EZH2: variants seen among roughly 807,000 people sequenced by gnomAD.
The protein encoded by EZH2 is histone-lysine N-methyltransferase EZH2.
In EZH2, 18 loss-of-function variants were observed where a neutral mutation model predicts 98.4. The observed-to-expected ratio is 0.18, with a 90% confidence interval of 0.13 to 0.27. The LOEUF is 0.27. EZH2 is among the 10% of genes least tolerant of loss of function. EZH2 has a pLI of 1.00. For synonymous variants in EZH2, 338 were observed against 312.3 expected (o/e 1.08, Z -0.87); for missense variants, 470 against 935.1 (o/e 0.50, Z 6.49).
intron 1 of EZH2, among the ~76,000 whole-genome samples, chr7:148,874,333 A>C (rs1480667800): frequency 6.6e-6 from 1 of 152,202 alleles, no homozygotes; most frequent in Non-Finnish European, 1.5e-5. Context: ...GGTTGCAGTA[A>C]GCCAAGATTG....
intron 1 of EZH2, among the ~76,000 whole-genome samples, chr7:148,861,868 C>G (rs1817723002): frequency 6.7e-6 from 1 of 150,322 alleles, no homozygotes; most frequent in South Asian, 2.1e-4. Flanking sequence ...TCTTTAATAT[C>G]TGTCTAATAG....
Position 148,815,058 on chromosome 7 carries a change from A to G in EZH2, c.1547-19T>C. On this transcript the variant is annotated intron_variant, in intron 13 of 19. Transcript: ENST00000320356. ...GAGCCGTCTGAGTAAAGATAACATC[A>G]TGCAGGCCAATGAATCCAGGGAGAT... 1 of 1,610,596 alleles carries G rather than the reference A, an allele frequency of 6.2e-7. No homozygotes were observed. Among genetic ancestry groups the G allele is most frequent in the South Asian group, 1.1e-5 (1 of 90,650 alleles).
At chr7:148,820,195 C>G (rs1443211981) in intron 8 of EZH2, among the ~76,000 whole-genome samples, 3 of 152,108 alleles carry the variant, frequency 2.0e-5, no homozygotes, top group African/African-American at 7.2e-5. Context: ...ATACCCAATC[C>G]AAGAACCTGG....
At chr7:148,864,211 T>C (rs559801532) in intron 1 of EZH2, among the ~76,000 whole-genome samples, 146 of 152,342 alleles carry the variant, frequency 9.6e-4, no homozygotes, top group African/African-American at 3.3e-3. Context: ...CAGTAAACTA[T>C]TGATTTCAAA....
intron 3 of EZH2, among the ~76,000 whole-genome samples, chr7:148,834,143 T>C (rs1810197436): frequency 6.6e-6 from 1 of 152,154 alleles, no homozygotes; most frequent in African/African-American, 2.4e-5. Flanking sequence ...CTCTGAAATA[T>C]GGTATAACTC....
chr7:148,845,497 C>T (rs774484778), intron 3 of EZH2, among the ~76,000 whole-genome samples: 5 of 152,150 alleles, frequency 3.3e-5, no homozygotes, highest in Non-Finnish European at 5.9e-5. Context: ...ACCAGAATAT[C>T]ACTAAAATCT....
At chr7:148,815,121 C>T (rs1659666578) in intron 13 of EZH2, 82 bp from the exon 14 acceptor site, 6 of 1,508,968 alleles carry the variant, frequency 4.0e-6, no homozygotes, top group Non-Finnish European at 4.5e-6. Flanking sequence ...GTACATTCTT[C>T]CCTACTACCT....
intron 8 of EZH2, among the ~76,000 whole-genome samples, chr7:148,824,475 A>G (rs1584988206): frequency 6.6e-6 from 1 of 152,238 alleles, no homozygotes; most frequent in Non-Finnish European, 1.5e-5. Flanking sequence ...ACATACAAAT[A>G]CTTGCCAATG....
At chr7:148,854,819 CA>C (rs949553910) in intron 1 of EZH2, among the ~76,000 whole-genome samples, 9 of 152,130 alleles carry the variant, frequency 5.9e-5, no homozygotes, top group Non-Finnish European at 1.0e-4. Flanking sequence ...TTGGCAATTT[CA>C]TTTATTTTTA....
At chr7:148,818,642 AT>A (rs1363058941) in intron 9 of EZH2, among the ~76,000 whole-genome samples, 1 of 152,176 alleles carries the variant, frequency 6.6e-6, no homozygotes, top group African/African-American at 2.4e-5. Context: ...CTGTCTTACT[AT>A]TAAAACATCC....
rs888876162 is a variant in EZH2, at chr7:148,817,400, C to A, written c.1241-9G>T. 133 of 1,610,756 alleles carry A rather than the reference C, an allele frequency of 8.3e-5. No homozygotes were observed. The highest frequency in any genetic ancestry group is 1.1e-4 in the Non-Finnish European group (133 of 1,178,982). On this transcript the variant is annotated splice_polypyrimidine_tract_variant and intron_variant, in intron 10 of 19. Transcript: ENST00000320356. ...ACACCGAGAATTTGCTTCTACAAAA[C>A]CAAATGTAAGCACTGGTCAAGAAAT... is the stretch of plus-strand genomic sequence containing the variant.
At chr7:148,817,485 T>G (rs1272546568) in intron 10 of EZH2, 94 bp from the exon 11 acceptor site, 1 of 1,268,036 alleles carries the variant, frequency 7.9e-7, no homozygotes, top group East Asian at 2.5e-5. Flanking sequence ...AGCGAAAAGA[T>G]GAGGACAACT....
intron 1 of EZH2, among the ~76,000 whole-genome samples, chr7:148,849,660 T>A (rs1000208299): frequency 6.6e-6 from 1 of 152,136 alleles, no homozygotes; most frequent in Non-Finnish European, 1.5e-5. Context: ...AAAATGGTGT[T>A]AGGAAGGCAG....
chr7:148,826,594 A>C lies in EZH2; in HGVS notation c.767T>G (p.Leu256Arg). 1 of 1,565,988 alleles carries C rather than the reference A, an allele frequency of 6.4e-7. No individual in the cohort carries two copies. Among genetic ancestry groups the C allele is most frequent in the Non-Finnish European group, 8.7e-7 (1 of 1,152,648 alleles). The change falls in exon 8 of 20, where the codon CTT becomes CGT. Residue 256 changes from leucine to arginine, a missense_variant. Around this residue, in one of 6 missense-constraint regions of EZH2, gnomAD observed 192 missense variants for 306.8 expected, o/e 0.63. Transcript: ENST00000320356. Reference sequence around the variant, plus strand: ...TATGTTGGGGGTACATTCAGGAGGAAGTGCGCCTGGGAGCTGCTGTTCGGT... The same window carrying C: ...TATGTTGGGGGTACATTCAGGAGGACGTGCGCCTGGGAGCTGCTGTTCGGT... Reference protein sequence around the residue: ...ELTEQQLPGALPPECTPNIDG... With the variant: ...ELTEQQLPGARPPECTPNIDG...
At chr7:148,862,973 T>G (rs1326504274) in intron 1 of EZH2, among the ~76,000 whole-genome samples, 1 of 151,480 alleles carries the variant, frequency 6.6e-6, no homozygotes, top group Non-Finnish European at 1.5e-5. Flanking sequence ...TGAAAATAGT[T>G]TCTGGGAGGT....
intron 3 of EZH2, among the ~76,000 whole-genome samples, chr7:148,836,527 T>C (rs1035490979): frequency 1.3e-5 from 2 of 152,210 alleles, no homozygotes; most frequent in East Asian, 1.9e-4. Flanking sequence ...TTAAGTCTCA[T>C]GTCACTCAGA....
chr7:148,828,310 A>G (rs1210074837), intron 6 of EZH2, among the ~76,000 whole-genome samples: 1 of 152,226 alleles, frequency 6.6e-6, no homozygotes, highest in Non-Finnish European at 1.5e-5. Flanking sequence ...AAGATACTCA[A>G]GTGAAGATAA....
intron 3 of EZH2, among the ~76,000 whole-genome samples, chr7:148,838,422 C>T (rs1000030234): frequency 6.6e-6 from 1 of 152,092 alleles, no homozygotes; most frequent in Non-Finnish European, 1.5e-5. Flanking sequence ...AAATCATTCC[C>T]TCATCTGCAG....
intron 1 of EZH2, among the ~76,000 whole-genome samples, chr7:148,879,637 C>T (rs1353637500): frequency 6.6e-6 from 1 of 151,972 alleles, no homozygotes; most frequent in African/African-American, 2.4e-5. Context: ...TTGCAGTGAG[C>T]CAAGATGGTG....
Sources: allele counts gnomAD v4.1 joint callset (sites outside exome capture counted in the v4.1 genomes callset), GRCh38; gene constraint gnomAD v4.1.1; regional missense constraint gnomAD v4.1.1; transcripts MANE v1.5; gene names NCBI Gene and HGNC (gene_info 2026-07-23, HGNC 2026-07-21).